The following PDE8A variants were observed in gnomAD, a reference collection of about 807,000 sequenced individuals.
PDE8A encodes the protein high affinity cAMP-specific and IBMX-insensitive 3',5'-cyclic phosphodiesterase 8A.
A neutral mutation model predicts 105.0 loss-of-function variants in PDE8A; 59 were observed. The ratio of observed to expected loss-of-function variants is 0.56; its 90% confidence interval spans 0.46 to 0.70. The LOEUF (loss-of-function observed/expected upper bound fraction) is 0.70. PDE8A is among the 30% of genes least tolerant of loss of function. The pLI, the probability that PDE8A is intolerant of heterozygous loss-of-function variation, is 0.00. For missense variants in PDE8A, 1,014 were observed against 1,045.9 expected (o/e 0.97, Z 0.42); for synonymous variants, 355 against 371.9 (o/e 0.95, Z 0.52).
chr15:85,136,790 G>A (rs12592211), intron 21 of PDE8A, 127 bp downstream of exon 21: 96,928 of 910,196 alleles, frequency 0.11, 8,166 homozygotes, highest in East Asian at 0.41. Context: ...AGAGCGAAGT[G>A]AACCATCACC....
intron 9 of PDE8A, among the ~76,000 whole-genome samples, chr15:85,099,456 A>G (rs1324245921): frequency 3.3e-5 from 5 of 152,162 alleles, no homozygotes; most frequent in Non-Finnish European, 7.3e-5. Flanking sequence ...TTTTTGTGGT[A>G]AGTATATAGG....
At chr15:85,049,887 T>A (rs772369266) in intron 1 of PDE8A, among the ~76,000 whole-genome samples, 82 of 152,258 alleles carry the variant, frequency 5.4e-4, no homozygotes, top group East Asian at 9.6e-4. Context: ...TCTATTTTTT[T>A]AATTTTTTGA....
At chr15:85,105,158 G>C (rs2081929060) in intron 11 of PDE8A, among the ~76,000 whole-genome samples, 1 of 152,060 alleles carries the variant, frequency 6.6e-6, no homozygotes, top group African/African-American at 2.4e-5. Flanking sequence ...ATACTTTGCA[G>C]GTGTTCTCAT....
At chr15:85,128,261 T>G (rs2082285274) in intron 20 of PDE8A, among the ~76,000 whole-genome samples, 1 of 152,138 alleles carries the variant, frequency 6.6e-6, no homozygotes, top group East Asian at 1.9e-4. Flanking sequence ...TCTCAGCACT[T>G]TGGGAGGCCA....
chr15:85,069,058 C>T (rs576026391), intron 3 of PDE8A, among the ~76,000 whole-genome samples: 1 of 152,164 alleles, frequency 6.6e-6, no homozygotes, highest in South Asian at 2.1e-4. Flanking sequence ...AAATGAAGTT[C>T]TTGTCTTCTA....
At chr15:85,073,105 C>T (rs1174485553) in intron 3 of PDE8A, among the ~76,000 whole-genome samples, 1 of 152,048 alleles carries the variant, frequency 6.6e-6, no homozygotes, top group African/African-American at 2.4e-5. Context: ...CAGAGCAAGA[C>T]CTTGTCTCAA....
intron 12 of PDE8A, among the ~76,000 whole-genome samples, chr15:85,110,767 A>G (rs1279765191): frequency 3.9e-5 from 6 of 152,204 alleles, no homozygotes; most frequent in Admixed American, 1.3e-4. Flanking sequence ...GTGGATGTAT[A>G]TGCTCATCTT....
intron 11 of PDE8A, among the ~76,000 whole-genome samples, chr15:85,102,225 G>A (rs1405691432): frequency 6.6e-6 from 1 of 152,100 alleles, no homozygotes; most frequent in Non-Finnish European, 1.5e-5. Flanking sequence ...GAGGGACGAG[G>A]GAGTCTGGAG....
intron 1 of PDE8A, chr15:85,063,317 C>G (rs1268656225): frequency 2.0e-5 from 3 of 152,144 alleles, no homozygotes; most frequent in African/African-American, 7.2e-5. Context: ...TGTAGGAAGT[C>G]TTATGGATCT....
At chr15:85,017,116 C>G (rs1399211540) in intron 1 of PDE8A, among the ~76,000 whole-genome samples, 3 of 151,394 alleles carry the variant, frequency 2.0e-5, no homozygotes, top group African/African-American at 7.3e-5. Context: ...AAAAAATTAG[C>G]CGGGCGCGGT....
chr15:85,060,776 A>G (rs2081131890), intron 1 of PDE8A, among the ~76,000 whole-genome samples: 1 of 152,170 alleles, frequency 6.6e-6, no homozygotes, highest in African/African-American at 2.4e-5. Context: ...TTTTCCACCA[A>G]ACTGTATTCA....
intron 1 of PDE8A, among the ~76,000 whole-genome samples, chr15:85,042,026 A>G (rs547141101): frequency 1.8e-3 from 281 of 152,272 alleles, no homozygotes; most frequent in South Asian, 7.1e-3. Flanking sequence ...GAAATTTAGA[A>G]TTAGACATAA....
At chr15:84,988,266 C>G (rs184932193) in intron 1 of PDE8A, among the ~76,000 whole-genome samples, 195 of 152,306 alleles carry the variant, frequency 1.3e-3, no homozygotes, top group African/African-American at 4.5e-3. Context: ...TAGCTATGTT[C>G]ATTGCATTTC....
chr15:85,060,345 T>C (rs2141441102), intron 1 of PDE8A, among the ~76,000 whole-genome samples: 1 of 152,224 alleles, frequency 6.6e-6, no homozygotes, highest in East Asian at 1.9e-4. Context: ...GTTATTGATG[T>C]CACAAAATTA....
At chr15:85,007,032 G>C (rs1406622477) in intron 1 of PDE8A, among the ~76,000 whole-genome samples, 1 of 152,150 alleles carries the variant, frequency 6.6e-6, no homozygotes, top group Non-Finnish European at 1.5e-5. Flanking sequence ...GCAGTGTTTG[G>C]CCATTCTTCT....
At chr15:85,123,367 C>CACAT (rs1468937353) in intron 19 of PDE8A, among the ~76,000 whole-genome samples, 174 bp downstream of exon 19, 1 of 127,298 alleles carries the variant, frequency 7.9e-6, no homozygotes, top group African/African-American at 2.6e-5. Flanking sequence ...CACACACACA[C>CACAT]ACACACACAC....
rs541342274 is a variant in PDE8A, at chr15:85,046,233, G to C, written c.187-18137G>C. On this transcript the variant is annotated intron_variant, in intron 1 of 21. Transcript: ENST00000394553. ...CTGGCTAATTTTTGTATTTTTAGTA[G>C]AGACAGGGTTTTACTATGTTGGCTA... Among the ~76,000 whole-genome samples, 19 of 152,110 alleles carry C rather than the reference G, an allele frequency of 1.2e-4. No individual in the cohort carries two copies. The South Asian group carries it at 4.0e-3, about 32-fold the overall frequency.
At chr15:85,128,031 G>C (rs2082280946) in intron 20 of PDE8A, among the ~76,000 whole-genome samples, 1 of 135,932 alleles carries the variant, frequency 7.4e-6, no homozygotes, top group Admixed American at 7.7e-5. Flanking sequence ...AGTGGTGTTA[G>C]GATAATTGGA....
chr15:85,121,734 C>A (rs974303459), intron 18 of PDE8A, among the ~76,000 whole-genome samples: 2 of 152,100 alleles, frequency 1.3e-5, no homozygotes, highest in South Asian at 2.1e-4. Context: ...TAGAATATTA[C>A]CCCTTCGATA....
Sources: allele counts gnomAD v4.1 joint callset (sites outside exome capture counted in the v4.1 genomes callset), GRCh38; gene constraint gnomAD v4.1.1; transcripts MANE v1.5; gene names NCBI Gene and HGNC (gene_info 2026-07-23, HGNC 2026-07-21).